PAPPA2: variants seen among roughly 807,000 people sequenced by gnomAD.
PAPPA2 encodes the protein pappalysin 2.
PAPPA2 carries 86 observed loss-of-function variants against 176.4 expected under a neutral mutation model. The ratio of observed to expected loss-of-function variants is 0.49; its 90% CI spans 0.41 to 0.58. The LOEUF (loss-of-function observed/expected upper bound fraction) is 0.58, where lower values mean the gene tolerates loss of function less well. Ranked by LOEUF, PAPPA2 falls within the 20% of genes least tolerant of loss-of-function variation. The pLI is 0.00. For missense variants in PAPPA2, 2,073 were observed against 2,256.9 expected (o/e 0.92, Z 1.65); for synonymous variants, 809 against 852.2 (o/e 0.95, Z 0.88).
At chr1:176,508,606 A>G (rs1470081177) in intron 1 of PAPPA2, among the ~76,000 whole-genome samples, 1 of 152,206 alleles carries the variant, frequency 6.6e-6, no homozygotes, top group Admixed American at 6.5e-5. Context: ...AATAATGAAT[A>G]GAGTCTCAAT....
chr1:176,707,498 G>A (rs1191590277), intron 10 of PAPPA2, among the ~76,000 whole-genome samples: 1 of 152,158 alleles, frequency 6.6e-6, no homozygotes, highest in Non-Finnish European at 1.5e-5. Context: ...CAGTGACTTA[G>A]AGTACAGCTT....
intron 1 of PAPPA2, among the ~76,000 whole-genome samples, chr1:176,530,602 GC>G (rs1486937199): frequency 1.6e-4 from 21 of 130,766 alleles, no homozygotes; most frequent in African/African-American, 6.9e-4. Flanking sequence ...TTCATCTCAT[GC>G]AAAAAAAAAA....
At chr1:176,484,151 C>G (rs961520312) in intron 1 of PAPPA2, among the ~76,000 whole-genome samples, 14 of 152,178 alleles carry the variant, frequency 9.2e-5, no homozygotes, top group African/African-American at 3.4e-4. Context: ...TGTCTCAACA[C>G]TTTAATTTCA....
chr1:176,618,726 C>T (rs1281477287), intron 3 of PAPPA2, among the ~76,000 whole-genome samples: 2 of 152,108 alleles, frequency 1.3e-5, no homozygotes, highest in Non-Finnish European at 2.9e-5. Flanking sequence ...ATTCTCTCTT[C>T]GAGTTTAGTA....
chr1:176,578,475 G>C (rs1652776892), intron 2 of PAPPA2, among the ~76,000 whole-genome samples: 7 of 152,144 alleles, frequency 4.6e-5, no homozygotes, highest in Admixed American at 4.6e-4. Context: ...GACTCCATTT[G>C]ACTTCAGGAG....
In PAPPA2 at chr1:176,842,596, G is replaced by T; in HGVS notation, c.*142G>T. On this transcript the variant is annotated 3_prime_UTR_variant, in exon 23 of 23. Transcript: ENST00000367662. ...GAGCATGAAGGATCTTATAAGAAAT[G>T]CAAGAGGATATTGATAGGTGTGAAC... The T allele has an allele frequency of 1.3e-6, 1 of 781,642 alleles. No homozygotes were observed. 48.4% of individuals were successfully genotyped at this position (781,642 alleles called of 1,614,324 possible).
chr1:176,711,175 C>T (rs936933884), intron 11 of PAPPA2, among the ~76,000 whole-genome samples: 1 of 152,100 alleles, frequency 6.6e-6, no homozygotes, highest in Non-Finnish European at 1.5e-5. Context: ...TCGCCTTGAA[C>T]AAAATTGGAG....
chr1:176,493,910 G>C (rs965865520), intron 1 of PAPPA2, among the ~76,000 whole-genome samples: 7 of 152,308 alleles, frequency 4.6e-5, no homozygotes, highest in Non-Finnish European at 8.8e-5. Context: ...ATCTTAGTTA[G>C]AGAATTTTTT....
At chr1:176,481,358 C>T (rs1309470234) in intron 1 of PAPPA2, among the ~76,000 whole-genome samples, 1 of 151,702 alleles carries the variant, frequency 6.6e-6, no homozygotes, top group African/African-American at 2.4e-5. Flanking sequence ...CCGGGGCCTT[C>T]GACATGGCTC....
chr1:176,744,729 C>T (rs1049833185), intron 14 of PAPPA2, among the ~76,000 whole-genome samples: 1 of 152,116 alleles, frequency 6.6e-6, no homozygotes, highest in Non-Finnish European at 1.5e-5. Context: ...TTTAGTTTGG[C>T]TTCATTACTA....
chr1:176,801,432 G>A (rs1665680736), intron 21 of PAPPA2, among the ~76,000 whole-genome samples: 1 of 152,106 alleles, frequency 6.6e-6, no homozygotes, highest in South Asian at 2.1e-4. Flanking sequence ...AAAGGGTGGG[G>A]TTTGAGAGAA....
chr1:176,751,215 C>A (rs1663159489), intron 14 of PAPPA2, among the ~76,000 whole-genome samples: 1 of 151,822 alleles, frequency 6.6e-6, no homozygotes, highest in African/African-American at 2.4e-5. Flanking sequence ...TGTTTTGGTA[C>A]CAGTACCATG....
chr1:176,671,186 T>C, intron 4 of PAPPA2, 71 bp downstream of exon 4: 1 of 1,580,400 alleles, frequency 6.3e-7, no homozygotes, highest in Non-Finnish European at 8.6e-7. Context: ...CGAAAGTAAG[T>C]TTGGGGAAAA....
intron 2 of PAPPA2, among the ~76,000 whole-genome samples, chr1:176,568,966 C>T (rs972064001): frequency 6.6e-6 from 1 of 152,192 alleles, no homozygotes; most frequent in South Asian, 2.1e-4. Context: ...TAAAGTTCAG[C>T]TTCCTTAAGG....
At position 176,841,560 on chromosome 1, in the gene PAPPA2, T is replaced by C. The variant is rs185063094; in HGVS notation, c.5302-820T>C. 3.6e-3 allele frequency among the ~76,000 whole-genome samples: 554 copies of C among 152,128 alleles called. 2 individuals are homozygous for C. Among genetic ancestry groups the C allele is most frequent in the Non-Finnish European group, 5.0e-3 (343 of 67,994 alleles). On this transcript the variant is annotated intron_variant, in intron 22 of 22. Coordinates refer to ENST00000367662, the MANE Select transcript of PAPPA2 (RefSeq NM_020318.3). ...ATTATTAATGCCCCAAAAGGAAAAA[T>C]CATTGCCACTTTTATATCACCTCTC...
chr1:176,608,714 A>G (rs1291169879), intron 3 of PAPPA2, among the ~76,000 whole-genome samples: 2 of 152,128 alleles, frequency 1.3e-5, no homozygotes, highest in African/African-American at 4.8e-5. Context: ...AAGATTCTCA[A>G]AAGACTGTCA....
At chr1:176,616,047 C>A (rs1228623441) in intron 3 of PAPPA2, among the ~76,000 whole-genome samples, 1 of 152,210 alleles carries the variant, frequency 6.6e-6, no homozygotes, top group African/African-American at 2.4e-5. Flanking sequence ...ATTTTATATA[C>A]TGACAGCAAG....
At chr1:176,603,657 CT>C (rs1654451432) in intron 3 of PAPPA2, among the ~76,000 whole-genome samples, 1 of 152,192 alleles carries the variant, frequency 6.6e-6, no homozygotes, top group Non-Finnish European at 1.5e-5. Context: ...CACATTCCTC[CT>C]TCTTGGAAGC....
At chr1:176,698,100 C>G (rs1181632508) in intron 7 of PAPPA2, among the ~76,000 whole-genome samples, 5 of 152,090 alleles carry the variant, frequency 3.3e-5, no homozygotes, top group African/African-American at 1.2e-4. Flanking sequence ...CATACCTGCA[C>G]TGAAAGGGAA....
Sources: allele counts gnomAD v4.1 joint callset (sites outside exome capture counted in the v4.1 genomes callset), GRCh38; gene constraint gnomAD v4.1.1; transcripts MANE v1.5; gene names NCBI Gene and HGNC (gene_info 2026-07-23, HGNC 2026-07-21).